The following SHQ1 variants were observed in gnomAD, a reference collection of about 807,000 sequenced individuals.
SHQ1 encodes protein SHQ1 homolog.
SHQ1 carries 49 observed loss-of-function variants against 53.8 expected under a neutral mutation model. The ratio of observed to expected loss-of-function variants is 0.91; its 90% CI spans 0.72 to 1.16. SHQ1 has a LOEUF of 1.16. Among genes scored for constraint, SHQ1 ranks in the 50% most tolerant of loss-of-function variants. The pLI is 0.00. For missense variants in SHQ1, 738 were observed against 683.1 expected (o/e 1.08, Z -0.90); for synonymous variants, 243 against 251.0 (o/e 0.97, Z 0.30).
intron 6 of SHQ1, among the ~76,000 whole-genome samples, chr3:72,820,046 T>C (rs1707430729): frequency 6.6e-6 from 1 of 152,188 alleles, no homozygotes; most frequent in Non-Finnish European, 1.5e-5. Flanking sequence ...GAGAAAAGTC[T>C]TTATATCCTA....
intron 9 of SHQ1, among the ~76,000 whole-genome samples, chr3:72,804,743 A>G (rs1371064687): frequency 6.6e-6 from 1 of 152,178 alleles, no homozygotes; most frequent in Non-Finnish European, 1.5e-5. Flanking sequence ...GTCAACCAGC[A>G]CTTTGGGAGG....
At chr3:72,848,081 A>C (rs1575748268) in intron 1 of SHQ1, 117 bp downstream of exon 1, 1 of 1,270,130 alleles carries the variant, frequency 7.9e-7, no homozygotes, top group Non-Finnish European at 1.1e-6. Context: ...GAAGCTGCGG[A>C]AACGTCGGGA....
At chr3:72,846,130 T>G in intron 1 of SHQ1, 2 of 1,307,302 alleles carry the variant, frequency 1.5e-6, no homozygotes, top group Non-Finnish European at 2.1e-6. Flanking sequence ...TCAGAAAATG[T>G]GAGCTATTAT....
At chr3:72,759,862 T>C (rs771741755) in intron 10 of SHQ1, among the ~76,000 whole-genome samples, 5 of 152,268 alleles carry the variant, frequency 3.3e-5, no homozygotes, top group South Asian at 4.1e-4. Context: ...GTATTTGTAA[T>C]TGTTCTAACA....
chr3:72,845,429 G>A (rs558953966), intron 1 of SHQ1, among the ~76,000 whole-genome samples: 1 of 151,918 alleles, frequency 6.6e-6, no homozygotes, highest in South Asian at 2.1e-4. Flanking sequence ...GTTGCAGTGA[G>A]CCGAGATCAT....
intron 10 of SHQ1, among the ~76,000 whole-genome samples, chr3:72,767,849 G>C (rs544524188): frequency 6.6e-6 from 1 of 152,338 alleles, no homozygotes; most frequent in Non-Finnish European, 1.5e-5. Context: ...TGGCTGCCTA[G>C]CATTTCATGT....
chr3:72,830,221 C>A (rs1351886328), intron 5 of SHQ1, among the ~76,000 whole-genome samples: 2 of 151,646 alleles, frequency 1.3e-5, no homozygotes, highest in Non-Finnish European at 2.9e-5. Context: ...ATAAATTTTT[C>A]TTTACAATCA....
At chr3:72,768,938 G>A (rs531093353) in intron 10 of SHQ1, among the ~76,000 whole-genome samples, 81 of 152,292 alleles carry the variant, frequency 5.3e-4, no homozygotes, top group Admixed American at 7.8e-4. Context: ...CATTTATTGA[G>A]TGGCCAGTAT....
In SHQ1 at chr3:72,792,963, C is replaced by T. The variant is rs773093678; in HGVS notation, c.1134G>A (p.Leu378=). The change falls in exon 10 of 11, where the codon CTG becomes CTA. Residue 378 remains leucine (L), a synonymous_variant. Coordinates refer to ENST00000325599, the MANE Select transcript of SHQ1 (RefSeq NM_018130.3). The stretch of plus-strand genomic sequence containing the variant: ...AGTAGTCTGAGATGTAGAGATCATT[C>T]AGTATGTACGCTGGGTCATTTTCCT... ...IFQENDPAYI[L]NDLYISDYCV... The T allele has an allele frequency of 6.2e-7, 1 of 1,612,006 alleles. No individual in the cohort carries two copies. Among genetic ancestry groups the T allele is most frequent in the South Asian group, 1.1e-5 (1 of 90,874 alleles).
At chr3:72,775,489 C>T (rs1351745291) in intron 10 of SHQ1, among the ~76,000 whole-genome samples, 2 of 136,750 alleles carry the variant, frequency 1.5e-5, no homozygotes, top group African/African-American at 2.8e-5. Flanking sequence ...GTGAATGCTA[C>T]TGAAGGTTCA....
rs963093623 is a variant in SHQ1 at position 72,794,133 on chromosome 3, T to C, written c.1061-1097A>G. 3.9e-5 allele frequency: 6 copies of C among 152,240 alleles called. No homozygotes were observed. The East Asian group carries it at 5.8e-4, about 15-fold the overall frequency. The allele number at this position is 152,240 out of a possible 1,614,324, so 9.4% of individuals were successfully genotyped here. On this transcript the variant is annotated intron_variant, in intron 9 of 10. Transcript: ENST00000325599. ...ATTTTCAGTTTAACAGTTTCATTCT[T>C]ATCTTTACAGTTCTGAAACGCGGAA...
At chr3:72,759,089 G>A (rs1346642083) in intron 10 of SHQ1, among the ~76,000 whole-genome samples, 2 of 152,166 alleles carry the variant, frequency 1.3e-5, no homozygotes, top group Non-Finnish European at 2.9e-5. Context: ...TTGTGTCTTA[G>A]TGTCTCTTCT....
intron 1 of SHQ1, among the ~76,000 whole-genome samples, chr3:72,847,609 G>A (rs1270027004): frequency 3.3e-5 from 5 of 152,058 alleles, no homozygotes; most frequent in Admixed American, 6.5e-5. Context: ...ACGGAGACTT[G>A]GGGGAAACAA....
At chr3:72,827,020 G>C (rs138545723) in intron 5 of SHQ1, among the ~76,000 whole-genome samples, 14 of 152,328 alleles carry the variant, frequency 9.2e-5, no homozygotes, top group African/African-American at 3.4e-4. Context: ...TAGGATAAGA[G>C]AGTGGCAGTG....
chr3:72,750,489 C>G lies in SHQ1; in HGVS notation c.1529G>C (p.Arg510Pro). ...AGACTCCTGGATGGCTGTGTTTCTG[C>G]GTACTCCACCATCAACAATAAGAAA... ...SAFLIVDGGV[R>P]RNTAIQESDA... Residue 510 changes from arginine (R) to proline (P), a missense_variant, in exon 11 of 11, where the codon CGC becomes CCC. Transcript: ENST00000325599. 6.2e-7 allele frequency: 1 copy of G among 1,614,150 alleles called. No homozygotes were observed.
At chr3:72,784,345 T>G (rs1355286769) in intron 10 of SHQ1, among the ~76,000 whole-genome samples, 1 of 152,204 alleles carries the variant, frequency 6.6e-6, no homozygotes, top group Non-Finnish European at 1.5e-5. Context: ...ACATTTCTTG[T>G]AAGAGAAGTC....
chr3:72,758,695 G>A (rs749195359), intron 10 of SHQ1, among the ~76,000 whole-genome samples: 8 of 151,116 alleles, frequency 5.3e-5, no homozygotes, highest in Non-Finnish European at 1.2e-4. Context: ...TCAGCCTCCT[G>A]AGTAGCTGGG....
intron 4 of SHQ1, among the ~76,000 whole-genome samples, chr3:72,836,414 G>A (rs1189885361): frequency 1.3e-5 from 2 of 152,218 alleles, no homozygotes; most frequent in East Asian, 1.9e-4. Flanking sequence ...GGGTGAACCC[G>A]GGAGGCGGAG....
intron 9 of SHQ1, among the ~76,000 whole-genome samples, chr3:72,806,510 G>A (rs530710368): frequency 1.3e-5 from 2 of 152,106 alleles, no homozygotes; most frequent in Non-Finnish European, 2.9e-5. Flanking sequence ...ACAATCTCCC[G>A]GGTGAGGAGC....
Sources: gnomAD v4.1 joint callset for allele counts (sites outside exome capture counted in the v4.1 genomes callset) on GRCh38, gnomAD v4.1.1 for gene constraint, MANE v1.5 for transcripts, NCBI Gene and HGNC (gene_info 2026-07-23, HGNC 2026-07-21) for gene names.